The following PABPC1 variants were observed in gnomAD, a reference collection of about 807,000 sequenced individuals.
PABPC1 encodes poly(A) binding protein cytoplasmic 1.
Under a neutral mutation model 74.0 loss-of-function variants are expected in PABPC1, and 4 were observed. The observed-to-expected ratio is 0.05, with a 90% CI of 0.03 to 0.12. The LOEUF is 0.12. PABPC1 is among the 10% of genes least tolerant of loss of function. PABPC1 has a pLI of 1.00. For missense variants in PABPC1, 271 were observed against 821.1 expected, an observed-to-expected ratio of 0.33 and a Z score of 8.19; for synonymous variants, 227 against 264.1, an observed-to-expected ratio of 0.86 and a Z score of 1.36.
At chr8:100,709,780 C>G in intron 7 of PABPC1, 49 bp from the exon 8 acceptor site, 1 of 1,514,350 alleles carries the variant, frequency 6.6e-7, no homozygotes, top group Non-Finnish European at 8.9e-7. Context: ...GAATGAGGAG[C>G]AAAAAAAGAG....
rs1563618300 is a variant in PABPC1 at position 100,721,948 on chromosome 8, G to A, written c.-365C>T. On this transcript the variant is annotated 5_prime_UTR_variant, in exon 1 of 15. Coordinates refer to ENST00000318607, the MANE Select transcript of PABPC1 (RefSeq NM_002568.4). This position sits in a 1 kb window ranked among gnomAD's most constrained non-coding sequence, Gnocchi z 7.4. The stretch of plus-strand genomic sequence containing the variant: ...AAAAATAAAAGTCTCCGGCGGGGGA[G>A]ACGCGGATTTTTTGTAAATTTTTTT... 9.8e-6 allele frequency: 2 copies of A among 204,292 alleles called. No homozygotes were observed. The highest frequency in any genetic ancestry group is 1.1e-4 in the East Asian group (1 of 9,214). 12.7% of individuals were successfully genotyped at this position (204,292 alleles called of 1,614,324 possible).
intron 2 of PABPC1, 93 bp downstream of exon 2, chr8:100,717,994 A>G: frequency 7.5e-7 from 1 of 1,337,806 alleles, no homozygotes; most frequent in Non-Finnish European, 1.1e-6. Flanking sequence ...TTTGTGAAAT[A>G]AAGATATCCA....
At chr8:100,704,245 T>G (rs926621308) in intron 14 of PABPC1, 52 bp downstream of exon 14, 5 of 1,363,686 alleles carry the variant, frequency 3.7e-6, no homozygotes, top group Admixed American at 3.4e-5. Flanking sequence ...ACAAACTTTA[T>G]AAAAGATGAA....
chr8:100,704,848 GT>G, intron 13 of PABPC1, 77 bp downstream of exon 13: 1 of 1,395,764 alleles, frequency 7.2e-7, no homozygotes, highest in South Asian at 1.2e-5. Flanking sequence ...CGATGTAAGT[GT>G]TCTGTACAAT....
rs1810385161 is a variant in PABPC1, at chr8:100,706,597, C to CT, written c.1602+53dup. ...CCACTGTGCCCAGCTGTCTTCACAC[C>CT]TTTGATTTCACCCAAGAAATGTGAT... On this transcript the variant is annotated intron_variant, in intron 11 of 14. Transcript: ENST00000318607. 38 of 1,538,750 alleles carry CT rather than the reference C, an allele frequency of 2.5e-5. No homozygotes were observed. The South Asian group carries it at 4.2e-4, about 17-fold the overall frequency.
Position 100,709,244 on chromosome 8 carries a change from T to C in PABPC1, c.1246-21A>G, listed in dbSNP as rs768866535. On this transcript the variant is annotated intron_variant, in intron 8 of 14. Transcript: ENST00000318607. ...TGAGTCTGCAGGGAAAAAAAGCACA[T>C]GAGTTTATCAGTTGAAGAAAAAAGC... The C allele has an allele frequency of 2.4e-5, 38 of 1,599,518 alleles. 1 individual carries two copies. The South Asian group carries it at 3.4e-4, about 14-fold the overall frequency.
chr8:100,712,277 TATA>T (rs573022762), intron 7 of PABPC1, 82 bp downstream of exon 7: 767 of 764,686 alleles, frequency 1.0e-3, no homozygotes, highest in Non-Finnish European at 1.5e-3. Flanking sequence ...CTCTAGTGGC[TATA>T]ATAATACAAA....
At chr8:100,716,610 A>C (rs1810676748) in intron 3 of PABPC1, among the ~76,000 whole-genome samples, 2 of 152,246 alleles carry the variant, frequency 1.3e-5, no homozygotes, top group Non-Finnish European at 2.9e-5. Flanking sequence ...GGTCTTCGCT[A>C]TGCTATTAGT....
At chr8:100,718,566 T>C (rs1810731382) in intron 1 of PABPC1, among the ~76,000 whole-genome samples, 1 of 152,376 alleles carries the variant, frequency 6.6e-6, no homozygotes, top group Non-Finnish European at 1.5e-5. Flanking sequence ...CTCGCCTTAA[T>C]TGCCATTAAA....
At position 100,721,733 on chromosome 8, in the gene PABPC1, C is replaced by G; in HGVS notation, c.-150G>C. On this transcript the variant is annotated 5_prime_UTR_variant, in exon 1 of 15. Coordinates refer to ENST00000318607, the MANE Select transcript of PABPC1 (RefSeq NM_002568.4). This position sits in a 1 kb window ranked among gnomAD's most constrained non-coding sequence, Gnocchi z 7.4. ...TCAACCGGAATTGAAAACTACTCAA[C>G]GGCCGCAGAACGGGGTCGATCCACT... 2 of 638,494 alleles carry G rather than the reference C, an allele frequency of 3.1e-6. No individual in the cohort carries two copies. The highest frequency in any genetic ancestry group is 4.9e-6 in the Non-Finnish European group (2 of 409,478). 39.6% of individuals were successfully genotyped at this position (638,494 alleles called of 1,614,324 possible). A position where few individuals can be genotyped will look rare whatever the true frequency, so the allele number is the denominator to read the frequency against.
At chr8:100,710,958 T>A (rs1320548296) in intron 7 of PABPC1, among the ~76,000 whole-genome samples, 1 of 150,730 alleles carries the variant, frequency 6.6e-6, no homozygotes, top group Non-Finnish European at 1.5e-5. Flanking sequence ...CTTCACTCCA[T>A]CTCAAAAAAA....
rs1810564235 is a variant in PABPC1, at chr8:100,712,806, AAG to A, written c.739-19_739-18del. 6.8e-7 allele frequency: 1 copy of A among 1,473,308 alleles called. No individual in the cohort carries two copies. Among genetic ancestry groups the A allele is most frequent in the Admixed American group, 2.6e-5 (1 of 38,168 alleles). The allele number at this position is 1,473,308 out of a possible 1,614,324, so 91.3% of individuals were successfully genotyped here. ...ATCCACAGCCTTCCCCCCAAAAAAAAAGAAAAAAAAAAAATCACAAAACTTTC... is the reference window on the plus strand; with the variant it reads ...ATCCACAGCCTTCCCCCCAAAAAAAAAAAAAAAAAAAATCACAAAACTTTC... On this transcript the variant is annotated intron_variant, in intron 5 of 14. Coordinates refer to ENST00000318607, the MANE Select transcript of PABPC1 (RefSeq NM_002568.4).
chr8:100,708,082 G>A (rs1810429052), intron 9 of PABPC1, among the ~76,000 whole-genome samples: 2 of 152,200 alleles, frequency 1.3e-5, no homozygotes, highest in African/African-American at 2.4e-5. Flanking sequence ...AATGATTAAT[G>A]ATATTCATAT....
intron 13 of PABPC1, among the ~76,000 whole-genome samples, 187 bp downstream of exon 13, chr8:100,704,739 T>C (rs1329055240): frequency 9.9e-5 from 15 of 152,214 alleles, no homozygotes; most frequent in Non-Finnish European, 2.2e-4. Context: ...TTTGGCAAAT[T>C]ATTCAGCCTG....
chr8:100,714,279 T>C (rs1810606362), intron 4 of PABPC1, among the ~76,000 whole-genome samples: 1 of 152,252 alleles, frequency 6.6e-6, no homozygotes, highest in South Asian at 2.1e-4. Flanking sequence ...TTAAGAAGCA[T>C]GACAGTTGAA....
rs1211674434 is a variant in PABPC1 at position 100,703,040 on chromosome 8, AC to A, written c.*320del. 2 of 141,370 alleles carry A rather than the reference AC, an allele frequency of 1.4e-5. No individual in the cohort carries two copies. The allele number at this position is 141,370 out of a possible 1,614,324, so 8.8% of individuals were successfully genotyped here. On this transcript the variant is annotated 3_prime_UTR_variant, in exon 15 of 15. Transcript: ENST00000318607. ...CTGAGCTATTCCACAGTAAAGAATT[AC>A]AAAATTAAAGAAAGGAATGCTTTAA...
chr8:100,720,400 A>T (rs745576051), intron 1 of PABPC1, among the ~76,000 whole-genome samples: 1 of 152,210 alleles, frequency 6.6e-6, no homozygotes, highest in Non-Finnish European at 1.5e-5. Context: ...CAAGATTTAC[A>T]GGTATCATGG....
rs1356973104 is a variant in PABPC1, at chr8:100,721,619, C to T, written c.-36G>A. On this transcript the variant is annotated 5_prime_UTR_variant, in exon 1 of 15. Coordinates refer to ENST00000318607, the MANE Select transcript of PABPC1 (RefSeq NM_002568.4). This position sits in a 1 kb window ranked among gnomAD's most constrained non-coding sequence, Gnocchi z 7.4. ...CTGCCCGCAGGGCCACAGGCCGCGACCTTTCCGTGAGAGGAGGAGAGCGAG... is the reference window on the plus strand; with the variant it reads ...CTGCCCGCAGGGCCACAGGCCGCGATCTTTCCGTGAGAGGAGGAGAGCGAG... The T allele has an allele frequency of 2.1e-6, 3 of 1,455,746 alleles. No individual in the cohort carries two copies. The highest frequency in any genetic ancestry group is 2.8e-5 in the South Asian group (2 of 70,782). The allele number at this position is 1,455,746 out of a possible 1,614,324, so 90.2% of individuals were successfully genotyped here.
intron 13 of PABPC1, 96 bp downstream of exon 13, chr8:100,704,830 A>G: frequency 2.4e-6 from 3 of 1,232,312 alleles, no homozygotes; most frequent in South Asian, 2.7e-5. Flanking sequence ...CATGGCTTAT[A>G]TATAACACGA....
Sources: allele counts gnomAD v4.1 joint callset (sites outside exome capture counted in the v4.1 genomes callset), GRCh38; gene constraint gnomAD v4.1.1; non-coding constraint Gnocchi (gnomAD v3.1); transcripts MANE v1.5; gene names NCBI Gene and HGNC (gene_info 2026-07-23, HGNC 2026-07-21).